The following ATG5 variants were observed in gnomAD, a reference collection of about 807,000 sequenced individuals.
ATG5 encodes the protein autophagy protein 5.
In ATG5, 14 loss-of-function variants were observed where a neutral mutation model predicts 36.5. That is an observed-to-expected ratio of 0.38 (90% CI 0.25 to 0.60). The LOEUF (loss-of-function observed/expected upper bound fraction) is 0.60, where lower values mean the gene tolerates loss of function less well. ATG5 is among the 20% of genes least tolerant of loss of function. The probability of loss-of-function intolerance (pLI) is 0.60; values close to 1 mark genes in which losing one functional copy is unlikely to be tolerated. For missense variants in ATG5, 195 were observed against 326.7 expected, an observed-to-expected ratio of 0.60 and a Z score of 3.11; for synonymous variants, 95 against 101.5, an observed-to-expected ratio of 0.94 and a Z score of 0.38.
chr6:106,229,313 C>T (rs957815844), intron 6 of ATG5, among the ~76,000 whole-genome samples: 1 of 152,140 alleles, frequency 6.6e-6, no homozygotes, highest in African/African-American at 2.4e-5. Flanking sequence ...TTATGTGGGA[C>T]CTGTTCCCCA....
intron 3 of ATG5, among the ~76,000 whole-genome samples, chr6:106,294,776 G>C (rs566387030): frequency 6.7e-6 from 1 of 149,770 alleles, no homozygotes; most frequent in Non-Finnish European, 1.5e-5. Context: ...CCGAGAGGCA[G>C]AGGCTGCAGT....
chr6:106,257,911 T>C (rs564332120), intron 5 of ATG5, among the ~76,000 whole-genome samples: 4 of 152,228 alleles, frequency 2.6e-5, no homozygotes, highest in Admixed American at 1.3e-4. Context: ...TAGAGTGAAA[T>C]CTATCAAACC....
intron 6 of ATG5, among the ~76,000 whole-genome samples, chr6:106,216,790 A>G (rs1217985642): frequency 6.6e-6 from 1 of 152,130 alleles, no homozygotes; most frequent in Non-Finnish European, 1.5e-5. Context: ...AGGCAAGAGG[A>G]TCACTTGAGC....
intron 1 of ATG5, among the ~76,000 whole-genome samples, chr6:106,318,504 T>C (rs17066773): frequency 0.025 from 3,756 of 152,294 alleles, 66 homozygotes; most frequent in African/African-American, 0.05. Flanking sequence ...TTTTAAAGTC[T>C]TACGTTCCAG....
intron 6 of ATG5, among the ~76,000 whole-genome samples, chr6:106,218,224 T>C (rs777071997): frequency 2.6e-5 from 4 of 152,186 alleles, no homozygotes; most frequent in Non-Finnish European, 5.9e-5. Flanking sequence ...TCTTAAAAGA[T>C]GATAAACATG....
intron 1 of ATG5, among the ~76,000 whole-genome samples, chr6:106,323,260 CTT>C (rs71274321): frequency 4.2e-3 from 269 of 64,214 alleles, no homozygotes; most frequent in Middle Eastern, 0.018. Flanking sequence ...TGGAAAAGTC[CTT>C]TTTTTTTTTT....
chr6:106,210,927 A>G (rs528315352), intron 6 of ATG5, among the ~76,000 whole-genome samples: 136 of 152,324 alleles, frequency 8.9e-4, no homozygotes, highest in African/African-American at 3.2e-3. Flanking sequence ...CTGAATTCTA[A>G]TATGTATTCT....
intron 6 of ATG5, among the ~76,000 whole-genome samples, chr6:106,223,624 C>T (rs1174157476): frequency 6.6e-6 from 1 of 152,156 alleles, no homozygotes; most frequent in Admixed American, 6.5e-5. Context: ...TTATCATTCA[C>T]GCATTCACTA....
chr6:106,322,236 C>T (rs1352368885), intron 1 of ATG5, among the ~76,000 whole-genome samples: 1 of 152,180 alleles, frequency 6.6e-6, no homozygotes, highest in Non-Finnish European at 1.5e-5. Flanking sequence ...GTTAACCAAT[C>T]AGTCATTCAG....
chr6:106,297,844 G>A (rs1458161466), intron 3 of ATG5, among the ~76,000 whole-genome samples: 1 of 151,808 alleles, frequency 6.6e-6, no homozygotes, highest in African/African-American at 2.4e-5. Flanking sequence ...GCTGAGGCAG[G>A]TGGATTGCTT....
chr6:106,236,415 T>G (rs1346615453), intron 6 of ATG5, among the ~76,000 whole-genome samples: 2 of 152,238 alleles, frequency 1.3e-5, no homozygotes, highest in East Asian at 3.8e-4. Flanking sequence ...AACTCTTGTC[T>G]AAAGTGATTT....
intron 6 of ATG5, among the ~76,000 whole-genome samples, chr6:106,243,012 C>CA (rs576849955): frequency 1.3e-5 from 2 of 152,148 alleles, no homozygotes; most frequent in Admixed American, 6.5e-5. Flanking sequence ...GGAAACAAAA[C>CA]AGAGTCTAAA....
At chr6:106,212,573 A>T (rs1383311324) in intron 6 of ATG5, among the ~76,000 whole-genome samples, 1 of 152,202 alleles carries the variant, frequency 6.6e-6, no homozygotes, top group Non-Finnish European at 1.5e-5. Flanking sequence ...TGTGAGGCGG[A>T]GGTTGCAGTG....
At chr6:106,324,969 C>A (rs1161856123) in intron 1 of ATG5, among the ~76,000 whole-genome samples, 1 of 152,152 alleles carries the variant, frequency 6.6e-6, no homozygotes, top group South Asian at 2.1e-4. Context: ...ACCTCCTCAC[C>A]CCTCAGAAAA....
rs560936499 is a variant in ATG5, at chr6:106,276,193, G to A, written c.478+3468C>T. Among the ~76,000 whole-genome samples, 10 of 152,288 alleles carry A rather than the reference G, an allele frequency of 6.6e-5. No homozygotes were observed. The East Asian group carries it at 9.7e-4, about 15-fold the overall frequency. ...TAGATTAAGAAACTGGGCCGGGCGC[G>A]GTGGCTCACGCCTGTAATCCCAGCA... is the stretch of plus-strand genomic sequence containing the variant. On this transcript the variant is annotated intron_variant, in intron 5 of 7. Coordinates refer to ENST00000369076, the MANE Select transcript of ATG5 (RefSeq NM_004849.4).
intron 6 of ATG5, among the ~76,000 whole-genome samples, chr6:106,237,934 G>GTATT (rs902898466): frequency 6.0e-4 from 92 of 152,202 alleles, no homozygotes; most frequent in African/African-American, 2.2e-3. Context: ...TTCTTCTTGG[G>GTATT]TATTTAATCA....
intron 7 of ATG5, among the ~76,000 whole-genome samples, chr6:106,191,911 TTA>T (rs1775980318): frequency 6.6e-6 from 1 of 152,188 alleles, no homozygotes; most frequent in South Asian, 2.1e-4. Flanking sequence ...ATGGATTCAA[TTA>T]TGTGATTGGC....
intron 6 of ATG5, among the ~76,000 whole-genome samples, chr6:106,219,948 C>T (rs1436595270): frequency 6.6e-6 from 1 of 152,104 alleles, no homozygotes; most frequent in Non-Finnish European, 1.5e-5. Context: ...CGACCTCTAC[C>T]AACCTGCTTA....
intron 3 of ATG5, among the ~76,000 whole-genome samples, chr6:106,300,195 T>C (rs868787022): frequency 6.6e-6 from 1 of 152,176 alleles, no homozygotes; most frequent in East Asian, 1.9e-4. Flanking sequence ...ATTGGAACGC[T>C]AAGCTTGTGG....
Sources: gnomAD v4.1 joint callset for allele counts (sites outside exome capture counted in the v4.1 genomes callset) on GRCh38, gnomAD v4.1.1 for gene constraint, MANE v1.5 for transcripts, NCBI Gene and HGNC (gene_info 2026-07-23, HGNC 2026-07-21) for gene names.